Variants in DOCK9 observed in about 807,000 individuals in gnomAD.
DOCK9 encodes the protein dedicator of cytokinesis 9, also known as dedicator of cytokinesis protein 9.
Under a neutral mutation model 263.3 loss-of-function variants are expected in DOCK9, and 89 were observed. The ratio of observed to expected loss-of-function variants is 0.34; its 90% CI spans 0.28 to 0.40. The LOEUF is 0.40. Among genes scored for constraint, DOCK9 ranks in the 10% least tolerant of loss-of-function variants. The pLI is 1.00. For missense variants in DOCK9, 2,140 were observed against 2,603.4 expected (o/e 0.82, Z 3.87); for synonymous variants, 976 against 973.1 (o/e 1.00, Z -0.06).
intron 1 of DOCK9, among the ~76,000 whole-genome samples, chr13:98,985,501 T>A (rs955821142): frequency 6.6e-6 from 1 of 152,228 alleles, no homozygotes; most frequent in African/African-American, 2.4e-5. Context: ...TGAGAAAATA[T>A]ACATTGAATG....
rs545392616 is a variant in DOCK9, at chr13:98,877,874, T to C, written c.2943+2024A>G. On this transcript the variant is annotated intron_variant, in intron 27 of 52. Transcript: ENST00000682017. ...TATTTTGAATATAATCACGTTACCATTGCATTTAAGGGATGACGTTTATTT... is the reference window on the plus strand; with the variant it reads ...TATTTTGAATATAATCACGTTACCACTGCATTTAAGGGATGACGTTTATTT... Among the ~76,000 whole-genome samples the C allele has an allele frequency of 4.6e-5, 7 of 152,302 alleles. No individual in the cohort carries two copies. The South Asian group carries it at 1.4e-3, about 32-fold the overall frequency.
intron 32 of DOCK9, among the ~76,000 whole-genome samples, chr13:98,861,907 T>A (rs2093881858): frequency 6.6e-6 from 1 of 152,206 alleles, no homozygotes; most frequent in African/African-American, 2.4e-5. Flanking sequence ...GTCTCACTTC[T>A]AATCTGACAG....
At chr13:98,995,480 A>T (rs74111842) in intron 1 of DOCK9, among the ~76,000 whole-genome samples, 1 of 141,128 alleles carries the variant, frequency 7.1e-6, no homozygotes, top group African/African-American at 2.7e-5. Flanking sequence ...CCTTTGAGGA[A>T]GATACTTTTT....
At chr13:98,824,332 G>T in intron 45 of DOCK9, 66 bp downstream of exon 45, 1 of 1,403,276 alleles carries the variant, frequency 7.1e-7, no homozygotes. Flanking sequence ...TGATGCACTA[G>T]CAATGCAAAC....
intron 3 of DOCK9, among the ~76,000 whole-genome samples, chr13:98,929,896 T>C (rs1463173106): frequency 6.6e-6 from 1 of 152,168 alleles, no homozygotes; most frequent in African/African-American, 2.4e-5. Context: ...ATGAGATAAA[T>C]TCTGTGGAAT....
intron 9 of DOCK9, among the ~76,000 whole-genome samples, chr13:98,907,802 A>C (rs1401559373): frequency 1.3e-5 from 2 of 152,220 alleles, no homozygotes; most frequent in Non-Finnish European, 2.9e-5. Flanking sequence ...TAAGAGGTAG[A>C]AAAATGTGGT....
intron 7 of DOCK9, among the ~76,000 whole-genome samples, chr13:98,916,134 A>C (rs533630418): frequency 3.9e-5 from 6 of 152,348 alleles, no homozygotes; most frequent in Non-Finnish European, 7.3e-5. Flanking sequence ...GTCCATGTGC[A>C]GTAACAGACG....
intron 15 of DOCK9, among the ~76,000 whole-genome samples, chr13:98,890,280 T>A (rs1252431702): frequency 6.6e-6 from 1 of 152,074 alleles, no homozygotes. Flanking sequence ...GGAGGCCCAT[T>A]TCCAGACTGA....
chr13:99,045,669 T>C (rs1360508650), intron 1 of DOCK9, among the ~76,000 whole-genome samples: 1 of 152,164 alleles, frequency 6.6e-6, no homozygotes, highest in Non-Finnish European at 1.5e-5. Context: ...TTAGCTTGAT[T>C]GAACCATTCC....
At chr13:98,885,294 T>C (rs2045510106) in intron 20 of DOCK9, 2 of 703,638 alleles carry the variant, frequency 2.8e-6, no homozygotes, top group South Asian at 4.1e-5. Flanking sequence ...AATTCTACAA[T>C]CTTCTTTTAT....
intron 7 of DOCK9, among the ~76,000 whole-genome samples, chr13:98,917,840 C>A (rs1479611409): frequency 1.3e-5 from 2 of 152,150 alleles, no homozygotes; most frequent in African/African-American, 4.8e-5. Flanking sequence ...ACCAGATGAT[C>A]TGGCACCTTT....
rs372187457 is a variant in DOCK9 at position 98,807,654 on chromosome 13, G to A, written c.5514+7C>T. ...TTGCTATGAAACTTATCCAAACATG[G>A]TCATACCTTGCCAGAATCCTGTATC... On this transcript the variant is annotated splice_region_variant and intron_variant, in intron 48 of 52. Transcript: ENST00000682017. 17 of 1,598,116 alleles carry A rather than the reference G, an allele frequency of 1.1e-5. No individual in the cohort carries two copies. The highest frequency in any genetic ancestry group is 1.5e-5 in the Non-Finnish European group (17 of 1,168,904).
chr13:98,915,554 T>C lies in DOCK9; in HGVS notation c.718-51A>G. On this transcript the variant is annotated intron_variant, in intron 7 of 52. Coordinates refer to ENST00000682017, the MANE Select transcript of DOCK9 (RefSeq NM_001366683.2). ...CATACTTTAAAAGAATTAGAACTGC[T>C]TTAAAATAATTACTCTCTCTTGTTG... The C allele has an allele frequency of 1.3e-5, 20 of 1,505,130 alleles. No individual in the cohort carries two copies. The South Asian group carries it at 2.4e-4, about 18-fold the overall frequency. The allele number at this position is 1,505,130 out of a possible 1,614,324, so 93.2% of individuals were successfully genotyped here.
chr13:98,901,663 T>C, intron 13 of DOCK9, 115 bp downstream of exon 13: 1 of 1,212,648 alleles, frequency 8.2e-7, no homozygotes, highest in South Asian at 1.9e-5. Flanking sequence ...ATATTCTACA[T>C]CTTTTAGAGT....
chr13:99,027,095 C>T (rs1886826341), intron 1 of DOCK9, among the ~76,000 whole-genome samples: 2 of 152,180 alleles, frequency 1.3e-5, no homozygotes, highest in Non-Finnish European at 2.9e-5. Context: ...TCTCGGCTCA[C>T]TGCAACCTCT....
At chr13:98,879,320 C>T (rs2044369540) in intron 27 of DOCK9, among the ~76,000 whole-genome samples, 1 of 152,086 alleles carries the variant, frequency 6.6e-6, no homozygotes, top group Admixed American at 6.6e-5. Context: ...GGCTTCACCA[C>T]AAGGGGATGC....
chr13:98,947,042 T>G (rs1419870874), intron 2 of DOCK9, among the ~76,000 whole-genome samples: 1 of 152,194 alleles, frequency 6.6e-6, no homozygotes, highest in East Asian at 1.9e-4. Flanking sequence ...ATCTTCCTTT[T>G]TAAACACTTC....
At chr13:98,860,643 T>C in intron 32 of DOCK9, 121 bp from the exon 33 acceptor site, 1 of 820,512 alleles carries the variant, frequency 1.2e-6, no homozygotes, top group South Asian at 2.0e-5. Flanking sequence ...CGTGCCTGCC[T>C]GCATGGGAGG....
At chr13:98,914,428 T>C in intron 8 of DOCK9, 33 bp from the exon 9 acceptor site, 1 of 1,573,860 alleles carries the variant, frequency 6.4e-7, no homozygotes, top group Non-Finnish European at 8.7e-7. Context: ...CGGAATCACT[T>C]GTAATTCATA....
Sources: allele counts gnomAD v4.1 joint callset (sites outside exome capture counted in the v4.1 genomes callset), GRCh38; gene constraint gnomAD v4.1.1; transcripts MANE v1.5; gene names NCBI Gene and HGNC (gene_info 2026-07-23, HGNC 2026-07-21).